The following PARD3B variants were observed in gnomAD, a reference collection of about 807,000 sequenced individuals.
PARD3B encodes partitioning defective 3 homolog B.
Under a neutral mutation model 130.2 loss-of-function variants are expected in PARD3B, and 103 were observed. The ratio of observed to expected loss-of-function variants is 0.79; its 90% CI spans 0.67 to 0.93. The LOEUF is 0.93. PARD3B is among the 40% of genes least tolerant of loss of function. The pLI, the probability that PARD3B is intolerant of heterozygous loss-of-function variation, is 0.00. For synonymous variants in PARD3B, 583 were observed against 553.2 expected, an observed-to-expected ratio of 1.05 and a Z score of -0.76; for missense variants, 1,609 against 1,499.2, an observed-to-expected ratio of 1.07 and a Z score of -1.21.
intron 2 of PARD3B, among the ~76,000 whole-genome samples, chr2:204,764,331 G>C (rs982030979): frequency 6.6e-6 from 1 of 152,134 alleles, no homozygotes; most frequent in Non-Finnish European, 1.5e-5. Flanking sequence ...ACATGTGTCA[G>C]GGGATGGAAT....
Position 204,710,772 on chromosome 2 carries a change from C to T in PARD3B, c.222+24490C>T, listed in dbSNP as rs76265850. Among the ~76,000 whole-genome samples, 570 of 152,284 alleles carry T rather than the reference C, an allele frequency of 3.7e-3. 3 individuals carry two copies. The highest frequency in any genetic ancestry group is 0.012 in the African/African-American group (493 of 41,562). On this transcript the variant is annotated intron_variant, in intron 2 of 22. Coordinates refer to ENST00000406610, the MANE Select transcript of PARD3B (RefSeq NM_001302769.2). ...TGTTGGGGTCCTGGAATCTGTATGGCGTCCTGTGCTGTTTTATTTATTTAC... is the reference window on the plus strand; with the variant it reads ...TGTTGGGGTCCTGGAATCTGTATGGTGTCCTGTGCTGTTTTATTTATTTAC...
chr2:204,792,490 C>T (rs941743591), intron 2 of PARD3B, among the ~76,000 whole-genome samples: 1 of 151,436 alleles, frequency 6.6e-6, no homozygotes, highest in Non-Finnish European at 1.5e-5. Context: ...TTTCATAGTG[C>T]TGTATAATAA....
chr2:205,199,281 A>G (rs1360324996), intron 15 of PARD3B, among the ~76,000 whole-genome samples: 2 of 152,140 alleles, frequency 1.3e-5, no homozygotes, highest in African/African-American at 4.8e-5. Context: ...AGGAAAAACT[A>G]CCAAAAGGAA....
At chr2:205,174,020 T>C (rs1402257638) in intron 12 of PARD3B, among the ~76,000 whole-genome samples, 1 of 152,206 alleles carries the variant, frequency 6.6e-6, no homozygotes, top group Non-Finnish European at 1.5e-5. Context: ...TGCTGTAGCA[T>C]AACATACCTG....
At position 205,015,533 on chromosome 2, in the gene PARD3B, G is replaced by A. The variant is rs1696078365; in HGVS notation, c.395-32048G>A. Among the ~76,000 whole-genome samples the A allele has an allele frequency of 6.6e-6, 1 of 152,164 alleles. No individual in the cohort carries two copies. Among genetic ancestry groups the A allele is most frequent in the South Asian group, 2.1e-4 (1 of 4,822 alleles). ...TCATATAGGTATAACCCAGTCTTGA[G>A]CTTCACAACAAACAGGTATTGGATG... is the stretch of plus-strand genomic sequence containing the variant. On this transcript the variant is annotated intron_variant, in intron 3 of 22. Transcript: ENST00000406610. The surrounding 1 kb of genome is among the most constrained non-coding windows in gnomAD (Gnocchi z 4.5).
At chr2:205,210,583 T>C (rs534103973) in intron 15 of PARD3B, among the ~76,000 whole-genome samples, 13 of 152,262 alleles carry the variant, frequency 8.5e-5, no homozygotes, top group African/African-American at 2.4e-4. Flanking sequence ...TATGTTATCA[T>C]TATAATTTCT....
chr2:205,044,749 G>A (rs1297425704), intron 3 of PARD3B, among the ~76,000 whole-genome samples: 2 of 151,988 alleles, frequency 1.3e-5, no homozygotes, highest in African/African-American at 2.4e-5. Context: ...CCATTTTGTA[G>A]GTTGCCTGTT....
At chr2:204,619,511 G>A (rs1329652244) in intron 1 of PARD3B, among the ~76,000 whole-genome samples, 1 of 152,116 alleles carries the variant, frequency 6.6e-6, no homozygotes, top group Non-Finnish European at 1.5e-5. Context: ...AAAAATAAGA[G>A]CAAAAGAGCA....
At chr2:204,829,604 G>A (rs2043726916) in intron 2 of PARD3B, among the ~76,000 whole-genome samples, 2 of 152,142 alleles carry the variant, frequency 1.3e-5, no homozygotes, top group Non-Finnish European at 2.9e-5. Context: ...CCCAGTGTTG[G>A]CAGAGGGACC....
intron 4 of PARD3B, among the ~76,000 whole-genome samples, chr2:205,096,145 T>C (rs1702380944): frequency 6.6e-6 from 1 of 152,120 alleles, no homozygotes; most frequent in Non-Finnish European, 1.5e-5. Flanking sequence ...AATTGATCTG[T>C]TGGGGAATTT....
In PARD3B at chr2:204,582,802, G is replaced by A. The variant is rs1008021679; in HGVS notation, c.120+36683G>A. ...TTTGCTTCATTAAAAGCAACAGAGT[G>A]ACTTTTTAATGATTGCCATTCTAAC... On this transcript the variant is annotated intron_variant, in intron 1 of 22. Transcript: ENST00000406610. Among the ~76,000 whole-genome samples the A allele has an allele frequency of 2.6e-5, 4 of 152,328 alleles. No individual in the cohort carries two copies. In the East Asian group the frequency reaches 5.8e-4, roughly 22 times the overall value.
intron 3 of PARD3B, among the ~76,000 whole-genome samples, chr2:205,017,473 T>C (rs1227604076): frequency 6.6e-6 from 1 of 152,114 alleles, no homozygotes; most frequent in Non-Finnish European, 1.5e-5. Flanking sequence ...GTTATTTCTT[T>C]ACTGTTTACA....
intron 11 of PARD3B, among the ~76,000 whole-genome samples, chr2:205,159,433 C>CAGAAAAAGAAGGAAGGAAAAAGAAGGA (rs2034377258): frequency 6.6e-6 from 1 of 151,964 alleles, no homozygotes; most frequent in Non-Finnish European, 1.5e-5. Flanking sequence ...TCTAGGTTTC[C>CAGAAAAAGAAGGAAGGAAAAAGAAGGA]AGAAAAAGAA....
At chr2:204,933,554 GA>G (rs1688184049) in intron 2 of PARD3B, among the ~76,000 whole-genome samples, 1 of 152,166 alleles carries the variant, frequency 6.6e-6, no homozygotes, top group Non-Finnish European at 1.5e-5. Context: ...TCTTTATTTA[GA>G]AATATGTGCT....
chr2:205,041,952 C>T lies in PARD3B; in HGVS notation c.395-5629C>T, dbSNP rs981140072. On this transcript the variant is annotated intron_variant, in intron 3 of 22. Coordinates refer to ENST00000406610, the MANE Select transcript of PARD3B (RefSeq NM_001302769.2). ...TGACGTCACCTGTCATTTAAGCCAT[C>T]TCCATCCCAAACATATCCTCCAAAT... Among the ~76,000 whole-genome samples the T allele has an allele frequency of 2.6e-5, 4 of 152,248 alleles. No homozygotes were observed. The East Asian group carries it at 7.7e-4, about 29-fold the overall frequency.
chr2:205,547,353 C>CCAAA (rs2052423211), intron 21 of PARD3B, among the ~76,000 whole-genome samples: 1 of 152,058 alleles, frequency 6.6e-6, no homozygotes, highest in Non-Finnish European at 1.5e-5. Context: ...ATTGCCGATT[C>CCAAA]CAAACAATAT....
chr2:205,576,583 T>C (rs1267309727), intron 22 of PARD3B, among the ~76,000 whole-genome samples: 1 of 152,208 alleles, frequency 6.6e-6, no homozygotes, highest in Non-Finnish European at 1.5e-5. Flanking sequence ...CTTTGGTGCT[T>C]TGTCAAAGGT....
intron 2 of PARD3B, among the ~76,000 whole-genome samples, chr2:204,922,431 A>G (rs1412696080): frequency 2.0e-5 from 3 of 152,114 alleles, no homozygotes; most frequent in Admixed American, 6.6e-5. Context: ...CTTAGGTAGT[A>G]CTATTGAATG....
At position 204,965,163 on chromosome 2, in the gene PARD3B, G is replaced by C; in HGVS notation, c.234G>C (p.Val78=). 2 of 1,613,406 alleles carry C rather than the reference G, an allele frequency of 1.2e-6. No individual in the cohort carries two copies. The highest frequency in any genetic ancestry group is 1.7e-6 in the Non-Finnish European group (2 of 1,179,618). The stretch of plus-strand genomic sequence containing the variant: ...GGATTTGTTTGTAGCTGATTGCTGT[G>C]TTTGAAGAACAAGAACCACTCCACA... ...VVEDKDKLIA[V]FEEQEPLHKI... is the part of the protein sequence containing the mutation. The change falls in exon 3 of 23, where the codon GTG becomes GTC. Residue 78 remains valine, a synonymous_variant. Transcript: ENST00000406610.
Sources: gnomAD v4.1 joint callset for allele counts (sites outside exome capture counted in the v4.1 genomes callset) on GRCh38, gnomAD v4.1.1 for gene constraint, Gnocchi (gnomAD v3.1) non-coding constraint, MANE v1.5 for transcripts, NCBI Gene and HGNC (gene_info 2026-07-23, HGNC 2026-07-21) for gene names.